SRD5A3: variants seen among roughly 807,000 people sequenced by gnomAD.
The protein encoded by SRD5A3 is steroid 5 alpha-reductase 3.
A neutral mutation model predicts 34.3 loss-of-function variants in SRD5A3; 24 were observed. The observed-to-expected ratio is 0.70, with a 90% confidence interval of 0.51 to 0.99. The LOEUF (loss-of-function observed/expected upper bound fraction) is 0.99. Ranked by LOEUF, SRD5A3 falls within the 50% of genes least tolerant of loss-of-function variation. The pLI, the probability that SRD5A3 is intolerant of heterozygous loss-of-function variation, is 0.00. For missense variants in SRD5A3, 350 were observed against 388.2 expected (o/e 0.90, Z 0.83); for synonymous variants, 161 against 167.3 (o/e 0.96, Z 0.29).
At chr4:55,352,136 A>C in intron 1 of SRD5A3, 1 of 824,072 alleles carries the variant, frequency 1.2e-6, no homozygotes, top group Non-Finnish European at 2.2e-6. Flanking sequence ...CAGACAGTCC[A>C]TCATTGACTG....
chr4:55,356,610 C>T (rs1043675523), intron 1 of SRD5A3, among the ~76,000 whole-genome samples: 6 of 152,082 alleles, frequency 3.9e-5, no homozygotes, highest in African/African-American at 1.4e-4. Context: ...TACAGGCATG[C>T]ATCATCACAC....
intron 2 of SRD5A3, 41 bp from the exon 3 acceptor site, chr4:55,364,033 C>A (rs759805297): frequency 3.1e-6 from 5 of 1,604,248 alleles, no homozygotes; most frequent in South Asian, 1.1e-5. Flanking sequence ...TGGATTAATC[C>A]CAGAAGAGAA....
chr4:55,367,585 T>C lies in SRD5A3; in HGVS notation c.563-3T>C. 3 of 1,613,994 alleles carry C rather than the reference T, an allele frequency of 1.9e-6. No homozygotes were observed. The highest frequency in any genetic ancestry group is 2.5e-6 in the Non-Finnish European group (3 of 1,180,022). On this transcript the variant is annotated splice_polypyrimidine_tract_variant and splice_region_variant and intron_variant, in intron 3 of 4. Transcript: ENST00000264228. ...TGTTGGCTAACAATTCTCATTCCTA[T>C]AGCCTACATAACAGGGAAAAATCTA... is the stretch of plus-strand genomic sequence containing the variant.
In SRD5A3 at chr4:55,367,635, AT is replaced by A; in HGVS notation, c.612del (p.Met207Ter). 1 of 1,614,112 alleles carries A rather than the reference AT, an allele frequency of 6.2e-7. No homozygotes were observed. Among genetic ancestry groups the A allele is most frequent in the African/African-American group, 1.3e-5 (1 of 75,030 alleles). On this transcript the variant is annotated frameshift_variant, in exon 4 of 5. Coordinates refer to ENST00000264228, the MANE Select transcript of SRD5A3 (RefSeq NM_024592.5). LOFTEE classifies it high-confidence loss of function. ...NLLMQARWFH[I>X]LGMMMFIWSS... ...ATTGATGCAAGCACGGTGGTTCCAT[AT>A]TCTTGGGATGATGATGTTCATCTGG...
chr4:55,364,302 C>A, intron 3 of SRD5A3, 31 bp downstream of exon 3: 1 of 1,612,336 alleles, frequency 6.2e-7, no homozygotes, highest in South Asian at 1.1e-5. Flanking sequence ...CAGGAGCTCC[C>A]CACCCCAGGG....
At chr4:55,363,510 G>GT (rs1719764762) in intron 2 of SRD5A3, among the ~76,000 whole-genome samples, 1 of 148,700 alleles carries the variant, frequency 6.7e-6, no homozygotes, top group Non-Finnish European at 1.5e-5. Context: ...CTAAGTGTGT[G>GT]TTTTTTTAAA....
At chr4:55,366,044 C>T (rs181080489) in intron 3 of SRD5A3, among the ~76,000 whole-genome samples, 12 of 152,302 alleles carry the variant, frequency 7.9e-5, no homozygotes, top group Admixed American at 7.2e-4. Flanking sequence ...CTGACTTATT[C>T]CCTGCTTTAT....
intron 2 of SRD5A3, among the ~76,000 whole-genome samples, chr4:55,363,806 C>T (rs951170674): frequency 2.0e-5 from 3 of 152,142 alleles, no homozygotes; most frequent in Non-Finnish European, 4.4e-5. Flanking sequence ...ACCTCCTGAC[C>T]GTGATGTCCC....
At chr4:55,364,539 T>C (rs1296967233) in intron 3 of SRD5A3, 6 of 440,406 alleles carry the variant, frequency 1.4e-5, no homozygotes, top group Non-Finnish European at 2.5e-5. Flanking sequence ...GGTGAAACTC[T>C]GTCTCTACTA....
At chr4:55,369,611 G>A in intron 4 of SRD5A3, 1 of 585,864 alleles carries the variant, frequency 1.7e-6, no homozygotes, top group Non-Finnish European at 3.0e-6. Flanking sequence ...CATACCTGTG[G>A]TACTAGCCAC....
intron 1 of SRD5A3, among the ~76,000 whole-genome samples, chr4:55,353,813 GACACATCTGAACATCTGA>G (rs1308259595): frequency 2.6e-5 from 4 of 152,108 alleles, no homozygotes; most frequent in Non-Finnish European, 5.9e-5. Flanking sequence ...AGAAACTCCA[GACACATCTGAACATCTGA>G]AGGAACAAAC....
Position 55,346,487 on chromosome 4 carries a change from C to G in SRD5A3, c.151C>G (p.Arg51Gly). 1 of 1,604,468 alleles carries G rather than the reference C, an allele frequency of 6.2e-7. No individual in the cohort carries two copies. The highest frequency in any genetic ancestry group is 8.5e-7 in the Non-Finnish European group (1 of 1,176,178). ...CTGCGCGATCTTCCAGGACCTGATCCGCTATGGGAAAACCAAGTGTGGGGA... is the reference window on the plus strand; with the variant it reads ...CTGCGCGATCTTCCAGGACCTGATCGGCTATGGGAAAACCAAGTGTGGGGA... ...PGCAIFQDLI[R>G]YGKTKCGEPS... The change falls in exon 1 of 5, where the codon CGC becomes GGC. Residue 51 changes from arginine (R) to glycine (G), a missense_variant. Around this residue, in one of 3 missense-constraint regions of SRD5A3, gnomAD observed 159 missense variants for 149.1 expected, o/e 1.07. Coordinates refer to ENST00000264228, the MANE Select transcript of SRD5A3 (RefSeq NM_024592.5).
intron 1 of SRD5A3, among the ~76,000 whole-genome samples, chr4:55,354,073 T>G (rs1414332846): frequency 6.6e-6 from 1 of 152,004 alleles, no homozygotes; most frequent in African/African-American, 2.4e-5. Context: ...GGGCCTGGAG[T>G]CTGTTCCAGC....
At chr4:55,369,733 A>G in intron 4 of SRD5A3, 99 bp from the exon 5 acceptor site, 1 of 812,668 alleles carries the variant, frequency 1.2e-6, no homozygotes, top group Non-Finnish European at 1.6e-6. Flanking sequence ...TTTGCCTCAA[A>G]AAAAAAAAAA....
At chr4:55,351,807 G>A in intron 1 of SRD5A3, 11 of 503,316 alleles carry the variant, frequency 2.2e-5, no homozygotes, top group South Asian at 1.8e-4. Context: ...TGTGTCTTAT[G>A]AGAATTAGAA....
intron 1 of SRD5A3, among the ~76,000 whole-genome samples, chr4:55,351,082 T>G (rs1432713905): frequency 1.3e-5 from 2 of 151,340 alleles, no homozygotes; most frequent in African/African-American, 4.9e-5. Context: ...TTTTTTTTTT[T>G]TTTTCTTGAG....
At position 55,359,479 on chromosome 4, in the gene SRD5A3, C is replaced by T; in HGVS notation, c.355C>T (p.Gln119Ter). Residue 119 changes from glutamine to a stop codon, truncating the protein, a stop_gained, in exon 2 of 5, where the codon CAG (glutamine) becomes TAG (stop). Transcript: ENST00000264228. LOFTEE classifies it high-confidence loss of function. ...HGLLRILGAA[Q>*]FQGGELALSA... ...TTTGCTCAGAATTCTCGGGGCGGCA[C>T]AGTTCCAGGGTAAGGACTCCCTGGG... 6.2e-7 allele frequency: 1 copy of T among 1,614,108 alleles called. No homozygotes were observed. The highest frequency in any genetic ancestry group is 8.5e-7 in the Non-Finnish European group (1 of 1,180,030).
intron 1 of SRD5A3, among the ~76,000 whole-genome samples, chr4:55,347,015 C>A (rs1308219282): frequency 1.3e-5 from 2 of 152,236 alleles, no homozygotes; most frequent in African/African-American, 4.8e-5. Context: ...TAGGCCGGCT[C>A]TTCGGCCTCG....
chr4:55,365,850 G>A (rs1024781847), intron 3 of SRD5A3, among the ~76,000 whole-genome samples: 14 of 152,194 alleles, frequency 9.2e-5, no homozygotes, highest in African/African-American at 2.2e-4. Flanking sequence ...ACCAAAGGGC[G>A]TGATAGAAAT....
Sources: allele counts gnomAD v4.1 joint callset (sites outside exome capture counted in the v4.1 genomes callset), GRCh38; gene constraint gnomAD v4.1.1; regional missense constraint gnomAD v4.1.1; transcripts MANE v1.5; gene names NCBI Gene and HGNC (gene_info 2026-07-23, HGNC 2026-07-21).